The following FBXW7 variants were observed in gnomAD, a reference collection of about 807,000 sequenced individuals.
FBXW7 encodes the protein F-box/WD repeat-containing protein 7.
A neutral mutation model predicts 86.3 loss-of-function variants in FBXW7; 11 were observed. The ratio of observed to expected loss-of-function variants is 0.13; its 90% CI spans 0.08 to 0.21. The LOEUF is 0.21. FBXW7 is among the 10% of genes least tolerant of loss of function. The probability of loss-of-function intolerance (pLI) is 1.00; values close to 1 mark genes in which losing one functional copy is unlikely to be tolerated. For synonymous variants in FBXW7, 313 were observed against 297.9 expected (o/e 1.05, Z -0.52); for missense variants, 488 against 847.4 (o/e 0.58, Z 5.27).
At chr4:152,441,489 T>C (rs1412290936) in intron 2 of FBXW7, among the ~76,000 whole-genome samples, 4 of 152,170 alleles carry the variant, frequency 2.6e-5, no homozygotes, top group Non-Finnish European at 4.4e-5. Flanking sequence ...TGAAGTCTCA[T>C]AAATAGGAAG....
intron 2 of FBXW7, among the ~76,000 whole-genome samples, chr4:152,433,804 A>T (rs1268684071): frequency 6.6e-6 from 1 of 152,162 alleles, no homozygotes; most frequent in Non-Finnish European, 1.5e-5. Context: ...ATCTATATTC[A>T]CTATGCTTTC....
At chr4:152,529,633 T>C (rs975434440) in intron 2 of FBXW7, among the ~76,000 whole-genome samples, 1 of 152,196 alleles carries the variant, frequency 6.6e-6, no homozygotes, top group African/African-American at 2.4e-5. Context: ...TGAATTACAC[T>C]TTCTGAACAA....
intron 2 of FBXW7, among the ~76,000 whole-genome samples, chr4:152,461,961 TTC>T (rs33964561): frequency 0.14 from 20,572 of 152,172 alleles, 1,808 homozygotes; most frequent in African/African-American, 0.25. Flanking sequence ...GAAAAAAATG[TTC>T]TGTTATACGT....
chr4:152,518,965 T>C (rs1748757207), intron 2 of FBXW7, among the ~76,000 whole-genome samples: 1 of 152,096 alleles, frequency 6.6e-6, no homozygotes, highest in African/African-American at 2.4e-5. Flanking sequence ...TTTTTTTAAA[T>C]TACAAACACC....
chr4:152,504,623 G>T (rs1480056546), intron 2 of FBXW7, among the ~76,000 whole-genome samples: 1 of 152,024 alleles, frequency 6.6e-6, no homozygotes, highest in Non-Finnish European at 1.5e-5. Context: ...TTATTTTTTG[G>T]TACTTAATTC....
chr4:152,334,745 G>A (rs945952112), intron 7 of FBXW7, among the ~76,000 whole-genome samples: 3 of 152,016 alleles, frequency 2.0e-5, no homozygotes, highest in Non-Finnish European at 4.4e-5. Flanking sequence ...AAATACTAAG[G>A]CGCTAAAGAA....
chr4:152,365,691 AG>A (rs1207858675), intron 4 of FBXW7, among the ~76,000 whole-genome samples: 2 of 152,146 alleles, frequency 1.3e-5, no homozygotes, highest in African/African-American at 4.8e-5. Flanking sequence ...GAGGATCTTG[AG>A]ATATCTTGGA....
intron 2 of FBXW7, among the ~76,000 whole-genome samples, chr4:152,424,731 G>A (rs1739230348): frequency 6.6e-6 from 1 of 152,132 alleles, no homozygotes; most frequent in Non-Finnish European, 1.5e-5. Context: ...CTTATCAAAG[G>A]TACATAGGGT....
intron 2 of FBXW7, among the ~76,000 whole-genome samples, chr4:152,495,207 C>A (rs1459195566): frequency 4.6e-5 from 7 of 152,042 alleles, no homozygotes. Context: ...CCAAGACAGG[C>A]AGATCACCTG....
At chr4:152,421,831 T>C (rs1738973116) in intron 2 of FBXW7, among the ~76,000 whole-genome samples, 1 of 152,168 alleles carries the variant, frequency 6.6e-6, no homozygotes, top group Non-Finnish European at 1.5e-5. Context: ...GTGGTCAGAA[T>C]ACATACAACA....
intron 2 of FBXW7, among the ~76,000 whole-genome samples, chr4:152,428,594 T>C (rs1283223815): frequency 2.0e-5 from 3 of 152,160 alleles, no homozygotes; most frequent in Non-Finnish European, 2.9e-5. Context: ...CATTTCTTCA[T>C]CTGTTATATA....
intron 2 of FBXW7, among the ~76,000 whole-genome samples, chr4:152,529,615 G>C (rs1749828355): frequency 6.6e-6 from 1 of 152,088 alleles, no homozygotes; most frequent in Non-Finnish European, 1.5e-5. Context: ...ATGTAAAATT[G>C]CACAAAGTGA....
chr4:152,383,237 C>T (rs1735246982), intron 4 of FBXW7, among the ~76,000 whole-genome samples: 1 of 152,038 alleles, frequency 6.6e-6, no homozygotes, highest in Non-Finnish European at 1.5e-5. Context: ...ACTAGCCAGT[C>T]CATTGCAAAT....
At chr4:152,419,314 A>G (rs886655412) in intron 2 of FBXW7, among the ~76,000 whole-genome samples, 6 of 152,200 alleles carry the variant, frequency 3.9e-5, no homozygotes, top group Non-Finnish European at 8.8e-5. Context: ...ATTTATAAAA[A>G]GATTAATTTC....
In FBXW7 at chr4:152,473,258, C is replaced by T. The variant is rs141354032; in HGVS notation, c.-119-60729G>A. 5.9e-5 allele frequency among the ~76,000 whole-genome samples: 9 copies of T among 152,188 alleles called. No individual in the cohort carries two copies. The East Asian group carries it at 1.7e-3, about 29-fold the overall frequency. Reference sequence around the variant, plus strand: ...CTGTCTCCAAAAACAAAAACAAAAACAAAAGTCTTGCTAATGCTTTCCTAG... The same window carrying T: ...CTGTCTCCAAAAACAAAAACAAAAATAAAAGTCTTGCTAATGCTTTCCTAG... On this transcript the variant is annotated intron_variant, in intron 2 of 13. Coordinates refer to ENST00000281708, the MANE Select transcript of FBXW7 (RefSeq NM_001349798.2).
At chr4:152,508,110 A>T (rs1747599799) in intron 2 of FBXW7, among the ~76,000 whole-genome samples, 1 of 151,932 alleles carries the variant, frequency 6.6e-6, no homozygotes, top group Non-Finnish European at 1.5e-5. Flanking sequence ...AAAATGATGG[A>T]GACATGTCAA....
At chr4:152,447,004 T>C (rs904575814) in intron 2 of FBXW7, among the ~76,000 whole-genome samples, 1 of 152,196 alleles carries the variant, frequency 6.6e-6, no homozygotes, top group Admixed American at 6.5e-5. Flanking sequence ...AATACTAGTG[T>C]TTAAATTATT....
intron 4 of FBXW7, among the ~76,000 whole-genome samples, chr4:152,364,567 A>G (rs1412154120): frequency 2.0e-5 from 3 of 152,184 alleles, no homozygotes. Context: ...TTTTTTTAGT[A>G]CACAGCCTAA....
intron 2 of FBXW7, among the ~76,000 whole-genome samples, chr4:152,495,941 C>G (rs1459534812): frequency 6.6e-6 from 1 of 152,162 alleles, no homozygotes; most frequent in African/African-American, 2.4e-5. Flanking sequence ...CTCTGGGAAG[C>G]CAAGGCAAGA....
Sources: gnomAD v4.1 joint callset for allele counts (sites outside exome capture counted in the v4.1 genomes callset) on GRCh38, gnomAD v4.1.1 for gene constraint, MANE v1.5 for transcripts, NCBI Gene and HGNC (gene_info 2026-07-23, HGNC 2026-07-21) for gene names.